The following KCNIP1 variants were observed in gnomAD, a reference collection of about 807,000 sequenced individuals.
KCNIP1 encodes the protein A-type potassium channel modulatory protein KCNIP1.
A neutral mutation model predicts 33.0 loss-of-function variants in KCNIP1; 18 were observed. The observed-to-expected ratio is 0.55, with a 90% CI of 0.38 to 0.81. The LOEUF is 0.81. Among genes scored for constraint, KCNIP1 ranks in the 30% least tolerant of loss-of-function variants. The pLI, the probability that KCNIP1 is intolerant of heterozygous loss-of-function variation, is 0.00. For missense variants in KCNIP1, 238 were observed against 271.6 expected (o/e 0.88, Z 0.87); for synonymous variants, 93 against 98.3 (o/e 0.95, Z 0.32).
intron 1 of KCNIP1, among the ~76,000 whole-genome samples, chr5:170,496,956 C>T (rs1207303842): frequency 6.6e-6 from 1 of 152,054 alleles, no homozygotes; most frequent in Non-Finnish European, 1.5e-5. Flanking sequence ...CTGATCTTGC[C>T]GAGTATCTAG....
At chr5:170,414,295 G>C (rs560693111) in intron 1 of KCNIP1, among the ~76,000 whole-genome samples, 154 of 152,320 alleles carry the variant, frequency 1.0e-3, no homozygotes, top group African/African-American at 3.4e-3. Context: ...TTAACGTAAA[G>C]CTGCCTCCTT....
intron 1 of KCNIP1, among the ~76,000 whole-genome samples, chr5:170,429,016 G>A (rs1046505391): frequency 2.0e-5 from 3 of 152,012 alleles, no homozygotes; most frequent in African/African-American, 2.4e-5. Context: ...ACTTGAACCC[G>A]GGAGGCAGAG....
chr5:170,476,354 A>C (rs1756857106), intron 1 of KCNIP1, among the ~76,000 whole-genome samples: 1 of 152,186 alleles, frequency 6.6e-6, no homozygotes, highest in South Asian at 2.1e-4. Context: ...GAAATATCGA[A>C]GTGTTGAACT....
intron 1 of KCNIP1, among the ~76,000 whole-genome samples, chr5:170,635,406 CT>C (rs1760243076): frequency 6.6e-6 from 1 of 152,194 alleles, no homozygotes. Flanking sequence ...ATGTTACCCC[CT>C]CAGAGATGCC....
intron 1 of KCNIP1, among the ~76,000 whole-genome samples, chr5:170,533,505 C>G (rs1755858982): frequency 6.6e-6 from 1 of 152,192 alleles, no homozygotes; most frequent in Non-Finnish European, 1.5e-5. Context: ...GAGCCTTAAC[C>G]ACTGGGCTGT....
intron 1 of KCNIP1, among the ~76,000 whole-genome samples, chr5:170,474,204 G>T (rs183796201): frequency 9.2e-5 from 14 of 152,198 alleles, no homozygotes. Flanking sequence ...TACCCGAGAG[G>T]CTTTTTATCT....
rs540842231 is a variant in KCNIP1 at position 170,622,579 on chromosome 5, G to A, written c.62-96179G>A. On this transcript the variant is annotated intron_variant, in intron 1 of 7. Coordinates refer to ENST00000328939, the MANE Select transcript of KCNIP1 (RefSeq NM_014592.4). ...AGAGGTTGCAGTGAGCCGAGATCGCGCCACTGCACTCCAGCCTAGGTGACA... is the reference window on the plus strand; with the variant it reads ...AGAGGTTGCAGTGAGCCGAGATCGCACCACTGCACTCCAGCCTAGGTGACA... Among the ~76,000 whole-genome samples the A allele has an allele frequency of 7.9e-4, 114 of 144,926 alleles. 5 individuals are homozygous for A. In the South Asian group the frequency reaches 0.023, roughly 29 times the overall value.
intron 1 of KCNIP1, among the ~76,000 whole-genome samples, chr5:170,553,646 C>A (rs561956949): frequency 6.6e-6 from 1 of 152,158 alleles, no homozygotes; most frequent in African/African-American, 2.4e-5. Flanking sequence ...CTGGGGTCTG[C>A]GACGGTAAGA....
intron 1 of KCNIP1, among the ~76,000 whole-genome samples, chr5:170,655,293 GATTTTCAATGTAT>G: frequency 6.6e-6 from 1 of 152,254 alleles, no homozygotes; most frequent in East Asian, 1.9e-4. Flanking sequence ...AAAAATGACA[GATTTTCAATGTAT>G]GCTAATATGC....
intron 1 of KCNIP1, among the ~76,000 whole-genome samples, chr5:170,670,536 T>C (rs766029286): frequency 1.3e-5 from 2 of 152,134 alleles, no homozygotes; most frequent in Non-Finnish European, 2.9e-5. Flanking sequence ...CCCTTGACCC[T>C]GCACCAATTT....
At chr5:170,379,033 T>C (rs980194191) in intron 1 of KCNIP1, 1 of 1,573,978 alleles carries the variant, frequency 6.4e-7, no homozygotes, top group Non-Finnish European at 8.6e-7. Flanking sequence ...AGCCAAGGGC[T>C]TGATATGGAG....
At chr5:170,490,565 C>G (rs540873618) in intron 1 of KCNIP1, among the ~76,000 whole-genome samples, 1 of 152,170 alleles carries the variant, frequency 6.6e-6, no homozygotes, top group Non-Finnish European at 1.5e-5. Flanking sequence ...TGACATTGTC[C>G]TGTGGTTCCC....
At chr5:170,514,083 T>C (rs1755036716) in intron 1 of KCNIP1, among the ~76,000 whole-genome samples, 1 of 152,126 alleles carries the variant, frequency 6.6e-6, no homozygotes, top group African/African-American at 2.4e-5. Context: ...CTGGAGGGCA[T>C]ATCCAGGACA....
chr5:170,393,748 G>A (rs1190122676), intron 1 of KCNIP1, among the ~76,000 whole-genome samples: 1 of 152,020 alleles, frequency 6.6e-6, no homozygotes, highest in African/African-American at 2.4e-5. Context: ...GTTGTTCCCT[G>A]CTGTGTAGGG....
chr5:170,516,451 A>G (rs1755124879), intron 1 of KCNIP1, among the ~76,000 whole-genome samples: 1 of 152,194 alleles, frequency 6.6e-6, no homozygotes, highest in Non-Finnish European at 1.5e-5. Context: ...GTACTGGGCA[A>G]AAGACTGGTA....
intron 1 of KCNIP1, among the ~76,000 whole-genome samples, chr5:170,675,919 T>G (rs1762114877): frequency 6.6e-6 from 1 of 151,756 alleles, no homozygotes; most frequent in African/African-American, 2.4e-5. Flanking sequence ...ACTTTGCAAA[T>G]TAAAAATCCT....
intron 1 of KCNIP1, among the ~76,000 whole-genome samples, chr5:170,645,947 TA>T (rs1315170767): frequency 6.6e-6 from 1 of 151,852 alleles, no homozygotes; most frequent in Admixed American, 6.6e-5. Context: ...ATCAAAACAA[TA>T]ATAAAGGAAT....
chr5:170,384,246 A>G (rs940466762), intron 1 of KCNIP1, among the ~76,000 whole-genome samples: 3 of 152,164 alleles, frequency 2.0e-5, no homozygotes, highest in Non-Finnish European at 4.4e-5. Flanking sequence ...CAAACCTGAG[A>G]CTTTCTTATC....
At chr5:170,716,464 T>C (rs781155880) in intron 1 of KCNIP1, among the ~76,000 whole-genome samples, 34 of 152,216 alleles carry the variant, frequency 2.2e-4, no homozygotes, top group Non-Finnish European at 4.3e-4. Flanking sequence ...TCCCAGCATC[T>C]TGAGCCCCAA....
Sources: gnomAD v4.1 joint callset for allele counts (sites outside exome capture counted in the v4.1 genomes callset) on GRCh38, gnomAD v4.1.1 for gene constraint, MANE v1.5 for transcripts, NCBI Gene and HGNC (gene_info 2026-07-23, HGNC 2026-07-21) for gene names.